KCNH5: variants seen among roughly 807,000 people sequenced by gnomAD.
KCNH5 encodes the protein potassium voltage-gated channel subfamily H member 5.
Under a neutral mutation model 96.1 loss-of-function variants are expected in KCNH5, and 46 were observed. The observed-to-expected ratio is 0.48, with a 90% CI of 0.38 to 0.61. The LOEUF (loss-of-function observed/expected upper bound fraction) is 0.61, where lower values mean the gene tolerates loss of function less well. Among genes scored for constraint, KCNH5 ranks in the 20% least tolerant of loss-of-function variants. The probability of loss-of-function intolerance (pLI) is 0.00; values close to 1 mark genes in which losing one functional copy is unlikely to be tolerated. For synonymous variants in KCNH5, 439 were observed against 449.8 expected (o/e 0.98, Z 0.30); for missense variants, 907 against 1,225.8 (o/e 0.74, Z 3.88).
intron 6 of KCNH5, among the ~76,000 whole-genome samples, chr14:62,957,293 C>T (rs1270031): frequency 0.5 from 76,516 of 152,026 alleles, 19,903 homozygotes; most frequent in African/African-American, 0.56. Context: ...TCTTATCTGA[C>T]CGTCGCTAAT....
At chr14:62,808,127 T>C (rs956811075) in intron 8 of KCNH5, among the ~76,000 whole-genome samples, 4 of 152,136 alleles carry the variant, frequency 2.6e-5, no homozygotes, top group Non-Finnish European at 5.9e-5. Context: ...TAACATAACA[T>C]GTAATTGAGA....
chr14:63,006,457 T>C lies in KCNH5; in HGVS notation c.213A>G (p.Glu71=), dbSNP rs372455325. Residue 71 remains glutamate (E), a synonymous_variant, in exon 3 of 11, where the codon GAA becomes GAG. Coordinates refer to ENST00000322893, the MANE Select transcript of KCNH5 (RefSeq NM_139318.5). ...KSSTCSFMYG[E]LTDKKTIEKV... is the part of the protein sequence containing the mutation. ...TCTCAATGGTCTTCTTGTCAGTCAA[T>C]TCCCCATACATAAAACTGGGGGGGA... 3.1e-6 allele frequency: 5 copies of C among 1,608,210 alleles called. No individual in the cohort carries two copies. In the African/African-American group the frequency reaches 5.4e-5, roughly 17 times the overall value.
At chr14:62,922,791 A>G (rs1341346052) in intron 7 of KCNH5, among the ~76,000 whole-genome samples, 1 of 151,970 alleles carries the variant, frequency 6.6e-6, no homozygotes. Flanking sequence ...GGAAGAATAT[A>G]CCTCAACTCA....
intron 9 of KCNH5, among the ~76,000 whole-genome samples, chr14:62,796,179 T>C (rs1466054548): frequency 6.6e-6 from 1 of 152,136 alleles, no homozygotes; most frequent in Non-Finnish European, 1.5e-5. Flanking sequence ...AGGAAGATTA[T>C]TGTGGTGGCA....
intron 7 of KCNH5, among the ~76,000 whole-genome samples, chr14:62,939,112 G>A (rs567627162): frequency 5.5e-4 from 84 of 152,160 alleles, no homozygotes; most frequent in South Asian, 4.2e-3. Flanking sequence ...AATCAAACAA[G>A]TCAGATAAAG....
intron 8 of KCNH5, among the ~76,000 whole-genome samples, chr14:62,838,147 A>T (rs1887502177): frequency 6.6e-6 from 1 of 152,178 alleles, no homozygotes; most frequent in Admixed American, 6.5e-5. Flanking sequence ...TTAATTTTCA[A>T]CCTTAAAAAT....
chr14:63,042,726 C>A (rs775891651), intron 1 of KCNH5, among the ~76,000 whole-genome samples: 1 of 152,078 alleles, frequency 6.6e-6, no homozygotes, highest in Non-Finnish European at 1.5e-5. Flanking sequence ...TATTTCTCTG[C>A]CAAATCATAT....
intron 10 of KCNH5, among the ~76,000 whole-genome samples, chr14:62,752,084 T>C (rs1180765953): frequency 6.6e-6 from 1 of 152,174 alleles, no homozygotes; most frequent in African/African-American, 2.4e-5. Context: ...AGTGACCACA[T>C]AATCTCTCCT....
intron 1 of KCNH5, among the ~76,000 whole-genome samples, chr14:63,040,608 T>C (rs961172290): frequency 1.1e-4 from 16 of 152,174 alleles, no homozygotes; most frequent in African/African-American, 3.9e-4. Flanking sequence ...TCAATAACTT[T>C]ATAACAACAA....
chr14:62,874,319 A>T (rs1888324335), intron 7 of KCNH5, among the ~76,000 whole-genome samples: 1 of 152,202 alleles, frequency 6.6e-6, no homozygotes, highest in Admixed American at 6.5e-5. Context: ...ACAAAAAGAC[A>T]CTTCTCAAAA....
chr14:62,712,589 T>C, intron 10 of KCNH5: 1 of 723,088 alleles, frequency 1.4e-6, no homozygotes, highest in African/African-American at 1.7e-5. Context: ...CTCCTCAAGG[T>C]AACTTTTATA....
intron 4 of KCNH5, among the ~76,000 whole-genome samples, chr14:62,991,086 A>C (rs972562108): frequency 2.6e-5 from 4 of 152,010 alleles, no homozygotes; most frequent in African/African-American, 7.2e-5. Flanking sequence ...GCCAGACCAT[A>C]TTACCTTGGT....
intron 8 of KCNH5, among the ~76,000 whole-genome samples, chr14:62,834,806 C>G (rs1262088083): frequency 1.3e-5 from 2 of 151,856 alleles, no homozygotes; most frequent in African/African-American, 4.8e-5. Flanking sequence ...TTAATACGTC[C>G]ACAAATAATG....
intron 7 of KCNH5, among the ~76,000 whole-genome samples, chr14:62,863,656 T>A (rs1195934776): frequency 1.3e-5 from 2 of 152,144 alleles, no homozygotes; most frequent in East Asian, 3.9e-4. Context: ...TACTATGGTA[T>A]TATAAAAATA....
chr14:62,822,436 C>T (rs1887134289), intron 8 of KCNH5, among the ~76,000 whole-genome samples: 1 of 152,030 alleles, frequency 6.6e-6, no homozygotes, highest in African/African-American at 2.4e-5. Context: ...ATCGATGGAA[C>T]AGGATAGAAA....
intron 7 of KCNH5, among the ~76,000 whole-genome samples, chr14:62,924,078 G>T (rs1199277683): frequency 6.6e-6 from 1 of 151,930 alleles, no homozygotes; most frequent in African/African-American, 2.4e-5. Context: ...AATCTGATAA[G>T]AGGTTAATAT....
chr14:62,798,122 C>T (rs552837513), intron 9 of KCNH5, among the ~76,000 whole-genome samples: 6 of 152,202 alleles, frequency 3.9e-5, no homozygotes, highest in South Asian at 2.1e-4. Flanking sequence ...TTCCTGGCCT[C>T]GTTTATGCTT....
intron 7 of KCNH5, among the ~76,000 whole-genome samples, chr14:62,860,117 G>A (rs1004184747): frequency 1.3e-5 from 2 of 152,174 alleles, no homozygotes; most frequent in Admixed American, 6.5e-5. Flanking sequence ...GTTGCACAGT[G>A]ACTTGATTAC....
intron 7 of KCNH5, among the ~76,000 whole-genome samples, chr14:62,911,435 T>C (rs1464579492): frequency 6.6e-6 from 1 of 151,834 alleles, no homozygotes; most frequent in South Asian, 2.1e-4. Context: ...ATAATCTTAA[T>C]CAAAAGCCAA....
Sources: gnomAD v4.1 joint callset for allele counts (sites outside exome capture counted in the v4.1 genomes callset) on GRCh38, gnomAD v4.1.1 for gene constraint, MANE v1.5 for transcripts, NCBI Gene and HGNC (gene_info 2026-07-23, HGNC 2026-07-21) for gene names.